The following HELQ variants were observed in gnomAD, a reference collection of about 807,000 sequenced individuals.
HELQ encodes the protein helicase POLQ-like.
In HELQ, 77 loss-of-function variants were observed where a neutral mutation model predicts 111.6. The observed-to-expected ratio is 0.69, with a 90% confidence interval of 0.57 to 0.83. The LOEUF is 0.83. HELQ is among the 40% of genes least tolerant of loss of function. The probability of loss-of-function intolerance (pLI) is 0.00; values close to 1 mark genes in which losing one functional copy is unlikely to be tolerated. For missense variants in HELQ, 1,200 were observed against 1,288.5 expected (o/e 0.93, Z 1.05); for synonymous variants, 438 against 454.7 (o/e 0.96, Z 0.47).
At chr4:83,430,287 AAAAAC>A (rs1283387100) in intron 11 of HELQ, among the ~76,000 whole-genome samples, 1 of 149,164 alleles carries the variant, frequency 6.7e-6, no homozygotes, top group Non-Finnish European at 1.5e-5. Flanking sequence ...AAAAAAAACA[AAAAAC>A]AAAATAAATT....
intron 12 of HELQ, 88 bp from the exon 13 acceptor site, chr4:83,427,808 T>C (rs1719924937): frequency 4.3e-6 from 4 of 921,544 alleles, no homozygotes; most frequent in Non-Finnish European, 6.1e-6. Flanking sequence ...ATTGCTTAAA[T>C]ATAGCAAAAA....
rs199809022 is a variant in HELQ at position 83,448,972 on chromosome 4, A to T, written c.1013-11T>A. ...AAGTATGTTGCCATTCTGTGGAATT[A>T]AAAAAAAAAAGGCATTATTTTCCCC... On this transcript the variant is annotated splice_polypyrimidine_tract_variant and intron_variant, in intron 2 of 17. Transcript: ENST00000295488. The T allele has an allele frequency of 1.6e-5, 2 of 127,850 alleles. No individual in the cohort carries two copies. The highest frequency in any genetic ancestry group is 2.8e-4 in the South Asian group (1 of 3,554). 7.9% of individuals were successfully genotyped at this position (127,850 alleles called of 1,614,324 possible). A position where few individuals can be genotyped will look rare whatever the true frequency, so the allele number is the denominator to read the frequency against.
intron 17 of HELQ, 68 bp from the exon 18 acceptor site, chr4:83,407,628 C>G: frequency 1.1e-6 from 1 of 936,230 alleles, no homozygotes; most frequent in Non-Finnish European, 1.7e-6. Flanking sequence ...AATTTTACCA[C>G]TGTCCATTGA....
At position 83,443,560 on chromosome 4, in the gene HELQ, T is replaced by A. The variant is rs1231333195; in HGVS notation, c.1520A>T (p.Gln507Leu). ...SATLNNVEDL[Q>L]KFLQAEYYTS... is the part of the protein sequence containing the mutation. ...ATAATATTCTGCTTGAAGAAACTTT[T>A]GTAGGTCTTCAACATTGTTTAATGT... Residue 507 changes from glutamine to leucine, a missense_variant, in exon 6 of 18, where the codon CAA becomes CTA. By Grantham distance (113) the Gln-to-Leu change is moderately radical. This residue lies in a region of HELQ where 610 missense variants were observed against 607.1 expected (regional missense o/e 1.00). Transcript: ENST00000295488. 1.3e-6 allele frequency: 2 copies of A among 1,594,264 alleles called. No individual in the cohort carries two copies. Among genetic ancestry groups the A allele is most frequent in the Non-Finnish European group, 1.7e-6 (2 of 1,164,124 alleles).
In HELQ at chr4:83,420,651, G is replaced by A. The variant is rs376511487; in HGVS notation, c.2949+912C>T. 9.9e-5 allele frequency among the ~76,000 whole-genome samples: 15 copies of A among 152,244 alleles called. 1 individual carries two copies. Among genetic ancestry groups the A allele is most frequent in the Admixed American group, 8.5e-4 (13 of 15,282 alleles). On this transcript the variant is annotated intron_variant, in intron 15 of 17. Coordinates refer to ENST00000295488, the MANE Select transcript of HELQ (RefSeq NM_133636.5). ...AATACATAAGTTAACTGGGAGTGGT[G>A]TTGTGTGACTATAATCCCAGCTACT...
In HELQ at chr4:83,418,031, TA is replaced by T. The variant is rs1739454671; in HGVS notation, c.3063+61del. On this transcript the variant is annotated intron_variant, in intron 16 of 17. Transcript: ENST00000295488. The stretch of plus-strand genomic sequence containing the variant: ...TCTGTATTAAGACTTCAGAAAATAA[TA>T]AAACCTGGCTTCTGTATTAATTCAA... The T allele has an allele frequency of 4.6e-6, 4 of 874,134 alleles. No individual in the cohort carries two copies. In the East Asian group the frequency reaches 1.0e-4, roughly 23 times the overall value. The allele number at this position is 874,134 out of a possible 1,614,324, so 54.1% of individuals were successfully genotyped here.
In HELQ at chr4:83,453,910, A is replaced by T. The variant is rs770453079; in HGVS notation, c.333T>A (p.Tyr111Ter). 8 of 1,613,324 alleles carry T rather than the reference A, an allele frequency of 5.0e-6. No individual in the cohort carries two copies. In the South Asian group the frequency reaches 6.6e-5, roughly 13 times the overall value. Residue 111 changes from tyrosine (Y) to a stop codon, truncating the protein, a stop_gained, in exon 2 of 18, where the codon TAT (tyrosine) becomes TAA (stop). Coordinates refer to ENST00000295488, the MANE Select transcript of HELQ (RefSeq NM_133636.5). LOFTEE classifies it high-confidence loss of function. ...NDSEVDMFGD[Y>*]DSFTENSFIA... ...TAAAGGAGTTTTCAGTAAAGCTATC[A>T]TAGTCACCAAACATGTCCACTTCAC...
intron 16 of HELQ, among the ~76,000 whole-genome samples, chr4:83,417,149 T>C (rs115021533): frequency 0.018 from 2,707 of 152,128 alleles, 73 homozygotes; most frequent in African/African-American, 0.062. Flanking sequence ...TCTCATATCC[T>C]CAAGTAAAAT....
Position 83,453,311 on chromosome 4 carries a change from T to A in HELQ, c.932A>T (p.Asn311Ile), listed in dbSNP as rs1322101199. 1 of 1,613,894 alleles carries A rather than the reference T, an allele frequency of 6.2e-7. No individual in the cohort carries two copies. The highest frequency in any genetic ancestry group is 8.5e-7 in the Non-Finnish European group (1 of 1,179,918). The change falls in exon 2 of 18, where the codon AAT becomes ATT. Residue 311 changes from asparagine to isoleucine, a missense_variant. Asn to Ile is a moderately radical substitution (Grantham distance 149). Transcript: ENST00000295488. ...VAKKTVESSS[N>I]DLGPFYSLPS... ...TAATGAATAAAAAGGACCAAGGTCA[T>A]TTGATGATGACTCAACTGTTTTCTT...
rs754627153 is a variant in HELQ, at chr4:83,429,721, T to C, written c.2321A>G (p.Tyr774Cys). ...LKIATNLDDI[Y>C]HFMNGTFFGV... ...AAAAAATGTACCATTCATGAAATGATAGATGTCATCAAGATTCGTTGCAAT... is the reference window on the plus strand; with the variant it reads ...AAAAAATGTACCATTCATGAAATGACAGATGTCATCAAGATTCGTTGCAAT... The change falls in exon 12 of 18, where the codon TAT (tyrosine) becomes TGT (cysteine). Residue 774 changes from tyrosine (Y) to cysteine (C), a missense_variant. Transcript: ENST00000295488. 2.5e-6 allele frequency: 4 copies of C among 1,612,346 alleles called. No homozygotes were observed. Among genetic ancestry groups the C allele is most frequent in the Middle Eastern group, 1.7e-4 (1 of 6,046 alleles).
intron 12 of HELQ, among the ~76,000 whole-genome samples, chr4:83,429,235 C>T (rs577687824): frequency 6.6e-6 from 1 of 152,210 alleles, no homozygotes; most frequent in East Asian, 1.9e-4. Context: ...CAACCTCTGC[C>T]TCCCAGGTTC....
rs1259475205 is a variant in HELQ, at chr4:83,418,046, G to A, written c.3063+47C>T. The A allele has an allele frequency of 2.9e-6, 3 of 1,027,938 alleles. No homozygotes were observed. The Admixed American group carries it at 6.3e-5, about 21-fold the overall frequency. 63.7% of individuals were successfully genotyped at this position (1,027,938 alleles called of 1,614,324 possible). ...CAGAAAATAATAAAACCTGGCTTCT[G>A]TATTAATTCAACATAATTTCAATTG... On this transcript the variant is annotated intron_variant, in intron 16 of 17. Coordinates refer to ENST00000295488, the MANE Select transcript of HELQ (RefSeq NM_133636.5).
chr4:83,427,844 T>C, intron 12 of HELQ, 124 bp from the exon 13 acceptor site: 1 of 592,698 alleles, frequency 1.7e-6, no homozygotes, highest in Non-Finnish European at 2.7e-6. Context: ...TATAACATCT[T>C]ACTATATAAC....
chr4:83,442,162 T>C (rs1004921399), intron 6 of HELQ, among the ~76,000 whole-genome samples: 9 of 152,086 alleles, frequency 5.9e-5, no homozygotes, highest in East Asian at 1.9e-4. Flanking sequence ...ACACAGCTCA[T>C]TGCATTTTAT....
intron 3 of HELQ, among the ~76,000 whole-genome samples, chr4:83,447,261 T>A (rs1173976683): frequency 6.6e-6 from 1 of 152,060 alleles, no homozygotes; most frequent in African/African-American, 2.4e-5. Context: ...GTGGGAGGAC[T>A]GCCTGAGTCC....
intron 14 of HELQ, among the ~76,000 whole-genome samples, chr4:83,424,213 T>A (rs1719714947): frequency 6.6e-6 from 1 of 152,216 alleles, no homozygotes; most frequent in South Asian, 2.1e-4. Context: ...AGATATATTA[T>A]TCTAATAAGA....
intron 8 of HELQ, among the ~76,000 whole-genome samples, chr4:83,439,015 G>C (rs910283394): frequency 2.6e-5 from 4 of 151,960 alleles, no homozygotes; most frequent in Non-Finnish European, 5.9e-5. Context: ...TTGAATCACT[G>C]ACCTAATATT....
chr4:83,408,475 C>T (rs1410475445), intron 17 of HELQ, among the ~76,000 whole-genome samples: 1 of 151,848 alleles, frequency 6.6e-6, no homozygotes, highest in Admixed American at 6.6e-5. Flanking sequence ...ATGGTCTCCA[C>T]TGCTTGACCT....
At chr4:83,433,895 C>T (rs7657248) in intron 9 of HELQ, among the ~76,000 whole-genome samples, 11,400 of 147,850 alleles carry the variant, frequency 0.077, 1,425 homozygotes, top group African/African-American at 0.27. Context: ...GCAGGAGAAT[C>T]ACTTGAACCC....
Sources: allele counts gnomAD v4.1 joint callset (sites outside exome capture counted in the v4.1 genomes callset), GRCh38; gene constraint gnomAD v4.1.1; regional missense constraint gnomAD v4.1.1; transcripts MANE v1.5; gene names NCBI Gene and HGNC (gene_info 2026-07-23, HGNC 2026-07-21).